The following HSD17B13 variants were observed in gnomAD, a reference collection of about 807,000 sequenced individuals.
HSD17B13 encodes the protein hydroxysteroid 17-beta dehydrogenase 13, also known as 17-beta-hydroxysteroid dehydrogenase 13.
A neutral mutation model predicts 31.1 loss-of-function variants in HSD17B13; 26 were observed. The ratio of observed to expected loss-of-function variants is 0.84; its 90% confidence interval spans 0.61 to 1.16. The LOEUF (loss-of-function observed/expected upper bound fraction) is 1.16, where lower values mean the gene tolerates loss of function less well. Ranked by LOEUF, HSD17B13 falls within the 50% of genes most tolerant of loss-of-function variation. The pLI is 0.00. For synonymous variants in HSD17B13, 141 were observed against 133.7 expected, an observed-to-expected ratio of 1.05 and a Z score of -0.38; for missense variants, 374 against 366.5, an observed-to-expected ratio of 1.02 and a Z score of -0.17.
rs140934276 is a variant in HSD17B13 at position 87,314,777 on chromosome 4, T to C, written c.557+716A>G. ...ATAGACATGTGTTCATTTTAGCTTC[T>C]GTAGGTTTTGCTTCTCAGTCTGTGG... On this transcript the variant is annotated intron_variant, in intron 4 of 6. Coordinates refer to ENST00000328546, the MANE Select transcript of HSD17B13 (RefSeq NM_178135.5). 7.1e-4 allele frequency among the ~76,000 whole-genome samples: 108 copies of C among 152,354 alleles called. 1 individual carries two copies. The highest frequency in any genetic ancestry group is 6.8e-3 in the Middle Eastern group (2 of 294).
At chr4:87,308,839 A>G (rs1200462696) in intron 6 of HSD17B13, among the ~76,000 whole-genome samples, 1 of 151,746 alleles carries the variant, frequency 6.6e-6, no homozygotes, top group East Asian at 1.9e-4. Flanking sequence ...CCAAGAATTA[A>G]TAAGTAAATT....
chr4:87,313,889 C>G lies in HSD17B13; in HGVS notation c.629G>C (p.Gly210Ala), dbSNP rs570425723. 6.2e-7 allele frequency: 1 copy of G among 1,609,834 alleles called. No individual in the cohort carries two copies. Among genetic ancestry groups the G allele is most frequent in the South Asian group, 1.1e-5 (1 of 90,294 alleles). The change falls in exon 5 of 7, where the codon GGT (glycine) becomes GCT (alanine). Residue 210 changes from glycine (G) to alanine (A), a missense_variant. Physicochemically the swap from Gly to Ala is moderately conservative, Grantham distance 60. Coordinates refer to ENST00000328546, the MANE Select transcript of HSD17B13 (RefSeq NM_178135.5). ...TSELQALGKTGIKTSCLCPVF... is the reference protein window; with the variant it reads ...TSELQALGKTAIKTSCLCPVF... ...TGGGCAGAGACATGAGGTTTTGATA[C>G]CAGTTTTTCCCAAGGCCTGAAGTTC... is the stretch of plus-strand genomic sequence containing the variant.
At chr4:87,312,595 T>A (rs1734555506) in intron 5 of HSD17B13, among the ~76,000 whole-genome samples, 1 of 132,496 alleles carries the variant, frequency 7.5e-6, no homozygotes, top group African/African-American at 2.9e-5. Flanking sequence ...AGTGGCGCGA[T>A]CTCGGCTCAC....
chr4:87,306,967 A>G (rs1734404421), intron 6 of HSD17B13, among the ~76,000 whole-genome samples: 1 of 150,302 alleles, frequency 6.7e-6, no homozygotes, highest in South Asian at 2.1e-4. Context: ...AGAGGCAGAA[A>G]TAATAACATT....
At chr4:87,321,776 G>A (rs564416568) in intron 1 of HSD17B13, among the ~76,000 whole-genome samples, 1 of 152,266 alleles carries the variant, frequency 6.6e-6, no homozygotes, top group East Asian at 1.9e-4. Context: ...AACTAAACAT[G>A]ACAGCAAAGA....
At position 87,303,991 on chromosome 4, in the gene HSD17B13, G is replaced by C. The variant is rs1193986805; in HGVS notation, c.*1227C>G. The C allele has an allele frequency of 6.6e-6, 1 of 151,920 alleles. No homozygotes were observed. The highest frequency in any genetic ancestry group is 1.5e-5 in the Non-Finnish European group (1 of 67,998). The allele number at this position is 151,920 out of a possible 1,614,324, so 9.4% of individuals were successfully genotyped here. ...ACAAAACAAGATTAGTCTTGATGTA[G>C]TGGGAGTCGGATTATTTTTTCTATT... On this transcript the variant is annotated 3_prime_UTR_variant, in exon 7 of 7. Coordinates refer to ENST00000328546, the MANE Select transcript of HSD17B13 (RefSeq NM_178135.5).
In HSD17B13 at chr4:87,308,027, T is replaced by C. The variant is rs560086622; in HGVS notation, c.812+2216A>G. Among the ~76,000 whole-genome samples the C allele has an allele frequency of 9.2e-5, 14 of 152,336 alleles. No homozygotes were observed. In the East Asian group the frequency reaches 2.7e-3, roughly 29 times the overall value. ...TAGTTATCTTCTCACTGATACAATTTCAATTTAGAAACTGCTCCTCAGAAG... is the reference window on the plus strand; with the variant it reads ...TAGTTATCTTCTCACTGATACAATTCCAATTTAGAAACTGCTCCTCAGAAG... On this transcript the variant is annotated intron_variant, in intron 6 of 6. Coordinates refer to ENST00000328546, the MANE Select transcript of HSD17B13 (RefSeq NM_178135.5).
chr4:87,311,996 A>G (rs1364239537), intron 5 of HSD17B13, among the ~76,000 whole-genome samples: 2 of 152,118 alleles, frequency 1.3e-5, no homozygotes, highest in African/African-American at 4.8e-5. Flanking sequence ...AACCTCTATA[A>G]AATCAATCCC....
At position 87,305,176 on chromosome 4, in the gene HSD17B13, A is replaced by G. The variant is rs773478845; in HGVS notation, c.*42T>C. 3 of 1,243,850 alleles carry G rather than the reference A, an allele frequency of 2.4e-6. No homozygotes were observed. Among genetic ancestry groups the G allele is most frequent in the East Asian group, 2.4e-5 (1 of 42,474 alleles). 77.1% of individuals were successfully genotyped at this position (1,243,850 alleles called of 1,614,324 possible). A position where few individuals can be genotyped will look rare whatever the true frequency, so the allele number is the denominator to read the frequency against. On this transcript the variant is annotated 3_prime_UTR_variant, in exon 7 of 7. Transcript: ENST00000328546. ...TTGCAGCATTGATTCGAAACTATTCATATCATTATCATGCATACATCTCTG... is the reference window on the plus strand; with the variant it reads ...TTGCAGCATTGATTCGAAACTATTCGTATCATTATCATGCATACATCTCTG...
chr4:87,315,380 C>T, intron 4 of HSD17B13, 113 bp downstream of exon 4: 1 of 479,112 alleles, frequency 2.1e-6, no homozygotes, highest in South Asian at 5.1e-5. Context: ...GAGTTTTGTC[C>T]AATTCTTTGT....
chr4:87,310,172 TA>T (rs375641120), intron 6 of HSD17B13, 70 bp downstream of exon 6: 105,631 of 978,410 alleles, frequency 0.11, 9 homozygotes, highest in East Asian at 0.21. Context: ...AGACTCTGTC[TA>T]AAAAAAAAAA....
intron 5 of HSD17B13, among the ~76,000 whole-genome samples, chr4:87,312,992 G>A (rs891740513): frequency 2.0e-5 from 3 of 151,830 alleles, no homozygotes; most frequent in Non-Finnish European, 2.9e-5. Context: ...CCAGAAAGGC[G>A]GAGGTTGCGG....
chr4:87,308,485 TAAAAAAAAAAAAAAAAAAAAAAAA>T (rs893354684), intron 6 of HSD17B13, among the ~76,000 whole-genome samples: 2,137 of 33,188 alleles, frequency 0.064, 69 homozygotes, highest in Non-Finnish European at 0.13. Flanking sequence ...CCGTCTCTAC[TAAAAAAAAAAAAAAAAAAAAAAAA>T]AAAAAAAAAA....
At chr4:87,313,598 C>T (rs933275462) in intron 5 of HSD17B13, among the ~76,000 whole-genome samples, 2 of 152,032 alleles carry the variant, frequency 1.3e-5, no homozygotes, top group South Asian at 2.1e-4. Context: ...TGCTTTCTCC[C>T]GGACACAAAT....
At chr4:87,313,724 T>C in intron 5 of HSD17B13, 99 bp downstream of exon 5, 2 of 976,712 alleles carry the variant, frequency 2.0e-6, no homozygotes, top group Non-Finnish European at 3.0e-6. Context: ...TTTTCCTTCT[T>C]CATTTTCTTC....
intron 3 of HSD17B13, among the ~76,000 whole-genome samples, chr4:87,316,285 G>A (rs1347867739): frequency 6.6e-6 from 1 of 152,126 alleles, no homozygotes; most frequent in Non-Finnish European, 1.5e-5. Context: ...AACATACATT[G>A]TTGCTTTAAA....
chr4:87,310,828 A>G (rs1422023849), intron 5 of HSD17B13, among the ~76,000 whole-genome samples: 1 of 152,230 alleles, frequency 6.6e-6, no homozygotes, highest in Non-Finnish European at 1.5e-5. Flanking sequence ...TTTAAATCAG[A>G]GCAACTCCAT....
rs1167533488 is a variant in HSD17B13 at position 87,313,869 on chromosome 4, AGAGACAT to A, written c.642_648del (p.Cys215AlafsTer5). 2 of 1,612,646 alleles carry A rather than the reference AGAGACAT, an allele frequency of 1.2e-6. No individual in the cohort carries two copies. Among genetic ancestry groups the A allele is most frequent in the East Asian group, 4.5e-5 (2 of 44,716 alleles). On this transcript the variant is annotated frameshift_variant, in exon 5 of 7. Transcript: ENST00000328546. LOFTEE classifies it high-confidence loss of function. Reference sequence around the variant, plus strand: ...AACCCAGTATTCACAAAAACTGGGCAGAGACATGAGGTTTTGATACCAGTTTTTCCCA... The same window carrying A: ...AACCCAGTATTCACAAAAACTGGGCAGAGGTTTTGATACCAGTTTTTCCCA...
chr4:87,305,111 T>A lies in HSD17B13; in HGVS notation c.*107A>T, dbSNP rs1049444919. On this transcript the variant is annotated 3_prime_UTR_variant, in exon 7 of 7. Transcript: ENST00000328546. ...ACTGCTGCTAGTGCCAAACCAATGT[T>A]TTTAATATTATCAGGACTGAAAAAA... 1.7e-6 allele frequency: 1 copy of A among 591,178 alleles called. No individual in the cohort carries two copies. The allele number at this position is 591,178 out of a possible 1,614,324, so 36.6% of individuals were successfully genotyped here.
Sources: gnomAD v4.1 joint callset for allele counts (sites outside exome capture counted in the v4.1 genomes callset) on GRCh38, gnomAD v4.1.1 for gene constraint, MANE v1.5 for transcripts, NCBI Gene and HGNC (gene_info 2026-07-23, HGNC 2026-07-21) for gene names.